The following PTPRD variants were observed in gnomAD, a reference collection of about 807,000 sequenced individuals.
The protein encoded by PTPRD is protein tyrosine phosphatase receptor type D, also known as receptor-type tyrosine-protein phosphatase delta.
PTPRD carries 34 observed loss-of-function variants against 214.5 expected under a neutral mutation model. That is an observed-to-expected ratio of 0.16 (90% CI 0.12 to 0.21). The LOEUF is 0.21. Ranked by LOEUF, PTPRD falls within the 10% of genes least tolerant of loss-of-function variation. PTPRD has a pLI of 1.00. For synonymous variants in PTPRD, 1,128 were observed against 845.7 expected (o/e 1.33, Z -5.79); for missense variants, 2,545 against 2,398.7 (o/e 1.06, Z -1.27).
intron 4 of PTPRD, among the ~76,000 whole-genome samples, chr9:10,001,779 T>C (rs1411096459): frequency 1.3e-5 from 2 of 152,080 alleles, no homozygotes; most frequent in African/African-American, 4.8e-5. Context: ...AGCTGCCCTA[T>C]GAGAAATACT....
chr9:9,778,625 G>T (rs902776414), intron 5 of PTPRD, among the ~76,000 whole-genome samples: 1 of 152,040 alleles, frequency 6.6e-6, no homozygotes, highest in African/African-American at 2.4e-5. Flanking sequence ...CCTCCTAGGG[G>T]CCACGCATAG....
intron 2 of PTPRD, among the ~76,000 whole-genome samples, chr9:10,543,807 C>A (rs1163082689): frequency 6.6e-6 from 1 of 152,148 alleles, no homozygotes; most frequent in East Asian, 1.9e-4. Flanking sequence ...TAGTATATAA[C>A]CACAATGCAA....
intron 2 of PTPRD, among the ~76,000 whole-genome samples, chr9:10,581,947 T>A (rs943972011): frequency 7.2e-5 from 11 of 152,206 alleles, no homozygotes; most frequent in African/African-American, 2.7e-4. Flanking sequence ...AATAATAAAT[T>A]CATAACAATA....
intron 11 of PTPRD, among the ~76,000 whole-genome samples, chr9:8,941,869 C>T (rs562105366): frequency 2.0e-5 from 3 of 152,114 alleles, no homozygotes; most frequent in Admixed American, 1.3e-4. Context: ...GCAATGGCAC[C>T]GTCTTGGCTC....
intron 10 of PTPRD, among the ~76,000 whole-genome samples, chr9:9,117,608 G>C (rs1314251994): frequency 1.3e-5 from 2 of 152,028 alleles, no homozygotes; most frequent in African/African-American, 4.8e-5. Flanking sequence ...CATGCCAAGA[G>C]CCATGCAGCA....
chr9:9,423,976 C>T (rs1415275934), intron 8 of PTPRD, among the ~76,000 whole-genome samples: 2 of 152,202 alleles, frequency 1.3e-5, no homozygotes, highest in Non-Finnish European at 2.9e-5. Context: ...CAGTCATTCT[C>T]CCAAGTGCTG....
Position 10,525,727 on chromosome 9 carries a change from AGT to A in PTPRD, c.-600+86669_-600+86670del, listed in dbSNP as rs398010299. On this transcript the variant is annotated intron_variant, in intron 2 of 45. Transcript: ENST00000381196. ...GGGAAGGATCCACAAAGATTTTCAA[AGT>A]GTGTGTGTGTGTGTGTGTGTGTGTG... 3.8e-3 allele frequency among the ~76,000 whole-genome samples: 562 copies of A among 147,028 alleles called. 2 individuals carry two copies. Among genetic ancestry groups the A allele is most frequent in the Admixed American group, 6.7e-3 (98 of 14,648 alleles).
intron 2 of PTPRD, among the ~76,000 whole-genome samples, chr9:10,490,157 C>A (rs2132634507): frequency 6.6e-6 from 1 of 152,172 alleles, no homozygotes; most frequent in South Asian, 2.1e-4. Flanking sequence ...CTAGGGAAAT[C>A]TTTTGGAGGG....
rs570913259 is a variant in PTPRD, at chr9:10,433,073, A to C, written c.-599-92056T>G. 9.0e-4 allele frequency among the ~76,000 whole-genome samples: 137 copies of C among 152,000 alleles called. 1 individual carries two copies. The South Asian group carries it at 9.5e-3, about 11-fold the overall frequency. ...ATGGTATTAAGTATTATTACAATTC[A>C]AAGTGTGCAGAGACAATGATGTATG... On this transcript the variant is annotated intron_variant, in intron 2 of 45. Transcript: ENST00000381196.
chr9:10,473,274 A>T (rs537308303), intron 2 of PTPRD, among the ~76,000 whole-genome samples: 2 of 152,210 alleles, frequency 1.3e-5, no homozygotes, highest in South Asian at 4.1e-4. Context: ...AAAAAAATTC[A>T]TGTTGAAAGT....
At chr9:8,884,379 C>A (rs2098469810) in intron 11 of PTPRD, among the ~76,000 whole-genome samples, 1 of 152,164 alleles carries the variant, frequency 6.6e-6, no homozygotes. Flanking sequence ...AGCAGGAGTA[C>A]AACTTGGTTG....
intron 7 of PTPRD, among the ~76,000 whole-genome samples, chr9:9,666,405 CTA>C (rs1366872053): frequency 6.6e-6 from 1 of 151,842 alleles, no homozygotes; most frequent in Non-Finnish European, 1.5e-5. Flanking sequence ...CAAAATTTGT[CTA>C]TCTTTCGTAG....
At chr9:10,217,998 G>A (rs938806732) in intron 3 of PTPRD, among the ~76,000 whole-genome samples, 13 of 151,902 alleles carry the variant, frequency 8.6e-5, no homozygotes, top group Non-Finnish European at 1.5e-4. Flanking sequence ...ATCTTTTTTC[G>A]GGGTAGGGGG....
At chr9:9,641,803 C>T (rs1158549783) in intron 7 of PTPRD, among the ~76,000 whole-genome samples, 1 of 152,158 alleles carries the variant, frequency 6.6e-6, no homozygotes, top group East Asian at 1.9e-4. Flanking sequence ...ACTCCCCAAA[C>T]CACCGTGATT....
Position 9,353,597 on chromosome 9 carries a change from G to A in PTPRD, c.-203+43852C>T, listed in dbSNP as rs117475541. Among the ~76,000 whole-genome samples the A allele has an allele frequency of 1.6e-3, 243 of 151,102 alleles. 4 individuals are homozygous for A. The Middle Eastern group carries it at 0.017, about 11-fold the overall frequency. ...CACTTTACATAGGACCTTGTCTTAC[G>A]TATATATTGGCCTTGTTTTCATGCC... On this transcript the variant is annotated intron_variant, in intron 9 of 45. Coordinates refer to ENST00000381196, the MANE Select transcript of PTPRD (RefSeq NM_002839.4).
intron 5 of PTPRD, among the ~76,000 whole-genome samples, chr9:9,821,930 A>G (rs2050885864): frequency 1.3e-5 from 2 of 148,252 alleles, no homozygotes; most frequent in African/African-American, 4.9e-5. Flanking sequence ...TATATTTATA[A>G]TATTTATATA....
chr9:9,372,549 G>A (rs2059807759), intron 9 of PTPRD, among the ~76,000 whole-genome samples: 1 of 151,986 alleles, frequency 6.6e-6, no homozygotes, highest in Admixed American at 6.6e-5. Flanking sequence ...CACACTGATG[G>A]GTCTTGACTC....
intron 2 of PTPRD, among the ~76,000 whole-genome samples, chr9:10,342,124 A>T (rs569575778): frequency 6.6e-6 from 1 of 152,026 alleles, no homozygotes; most frequent in Non-Finnish European, 1.5e-5. Flanking sequence ...TTGAGTATCA[A>T]TCTGATTCAT....
At chr9:9,740,418 C>T (rs898538116) in intron 6 of PTPRD, among the ~76,000 whole-genome samples, 3 of 150,314 alleles carry the variant, frequency 2.0e-5, no homozygotes, top group African/African-American at 7.4e-5. Context: ...AGTGCAGTGG[C>T]GTAATCTGGG....
Sources: gnomAD v4.1 joint callset for allele counts (sites outside exome capture counted in the v4.1 genomes callset) on GRCh38, gnomAD v4.1.1 for gene constraint, MANE v1.5 for transcripts, NCBI Gene and HGNC (gene_info 2026-07-23, HGNC 2026-07-21) for gene names.